GALNT13: variants seen among roughly 807,000 people sequenced by gnomAD.
GALNT13 encodes UDP-GalNAc:polypeptide N-acetylgalactosaminyltransferase 13.
A neutral mutation model predicts 64.2 loss-of-function variants in GALNT13; 28 were observed. That is an observed-to-expected ratio of 0.44 (90% confidence interval 0.32 to 0.60). The LOEUF is 0.60. Among genes scored for constraint, GALNT13 ranks in the 20% least tolerant of loss-of-function variants. The pLI is 0.05. For synonymous variants in GALNT13, 214 were observed against 224.6 expected (o/e 0.95, Z 0.42); for missense variants, 577 against 669.8 (o/e 0.86, Z 1.53).
intron 4 of GALNT13, among the ~76,000 whole-genome samples, chr2:154,220,051 T>C (rs1490948773): frequency 6.6e-6 from 1 of 152,064 alleles, no homozygotes; most frequent in Non-Finnish European, 1.5e-5. Flanking sequence ...TTAAGAAGAC[T>C]AATAAAAACT....
chr2:153,286,959 G>C, the GALNT13 span, among the ~76,000 whole-genome samples: 1 of 151,768 alleles, frequency 6.6e-6, no homozygotes, highest in Non-Finnish European at 1.5e-5. Context: ...TTCAGAATAC[G>C]AGCAAACATA....
At chr2:153,514,629 C>T in the GALNT13 span, among the ~76,000 whole-genome samples, 4 of 152,148 alleles carry the variant, frequency 2.6e-5, no homozygotes, top group East Asian at 1.9e-4. Context: ...CATCATTCCT[C>T]GCTCCAGAGG....
At chr2:153,662,019 G>T in the GALNT13 span, among the ~76,000 whole-genome samples, 1 of 151,916 alleles carries the variant, frequency 6.6e-6, no homozygotes, top group Non-Finnish European at 1.5e-5. Flanking sequence ...GATGTAGATC[G>T]TGCACTGCAC....
the GALNT13 span, among the ~76,000 whole-genome samples, chr2:153,336,541 A>G: frequency 1.3e-5 from 2 of 151,984 alleles, no homozygotes; most frequent in African/African-American, 2.4e-5. Context: ...GTTTTGGACA[A>G]TTTCTCCCAT....
At chr2:154,097,175 A>T (rs1314039457) in intron 3 of GALNT13, among the ~76,000 whole-genome samples, 1 of 152,046 alleles carries the variant, frequency 6.6e-6, no homozygotes, top group Non-Finnish European at 1.5e-5. Flanking sequence ...ATGAAGTGTT[A>T]TCGAGTGCTT....
At chr2:154,107,575 T>A (rs1702691260) in intron 3 of GALNT13, among the ~76,000 whole-genome samples, 1 of 135,132 alleles carries the variant, frequency 7.4e-6, no homozygotes, top group African/African-American at 2.8e-5. Flanking sequence ...GGCAACAGAG[T>A]GAGACTACAT....
chr2:153,631,712 T>C, the GALNT13 span, among the ~76,000 whole-genome samples: 1 of 152,188 alleles, frequency 6.6e-6, no homozygotes, highest in African/African-American at 2.4e-5. Flanking sequence ...TATTAGCCCT[T>C]TGTCAGATGA....
chr2:154,090,164 A>G (rs10181717), intron 3 of GALNT13, among the ~76,000 whole-genome samples: 7,607 of 152,152 alleles, frequency 0.05, 371 homozygotes, highest in African/African-American at 0.12. Flanking sequence ...CTGGGTGATA[A>G]CTTTAGTGTG....
the GALNT13 span, among the ~76,000 whole-genome samples, chr2:153,098,821 A>C: frequency 6.6e-6 from 1 of 152,290 alleles, no homozygotes; most frequent in African/African-American, 2.4e-5. Context: ...AATGTGTGTA[A>C]TTTTAGCTTG....
upstream of GALNT13, among the ~76,000 whole-genome samples, chr2:153,867,349 G>A (rs1007629464): frequency 1.2e-4 from 18 of 152,090 alleles, no homozygotes; most frequent in African/African-American, 4.1e-4. Context: ...GATGGGTGTA[G>A]TGATCGATAT....
At chr2:154,168,923 G>A (rs67156102) in intron 4 of GALNT13, among the ~76,000 whole-genome samples, 19,760 of 152,104 alleles carry the variant, frequency 0.13, 1,416 homozygotes, top group South Asian at 0.22. Context: ...CACGAAGCAT[G>A]GTGCCAGCAC....
At chr2:153,136,385 T>G in the GALNT13 span, among the ~76,000 whole-genome samples, 1 of 152,058 alleles carries the variant, frequency 6.6e-6, no homozygotes, top group Admixed American at 6.6e-5. Context: ...GCTTGGCCAA[T>G]GAAGATACTG....
the GALNT13 span, among the ~76,000 whole-genome samples, chr2:153,829,395 A>G: frequency 1.3e-5 from 2 of 152,220 alleles, no homozygotes; most frequent in South Asian, 4.1e-4. Flanking sequence ...AAGAAGGAGC[A>G]AGTCTCATCT....
At chr2:153,453,853 C>T in the GALNT13 span, among the ~76,000 whole-genome samples, 4 of 152,202 alleles carry the variant, frequency 2.6e-5, no homozygotes, top group East Asian at 1.9e-4. Context: ...ATAACAAAGA[C>T]GTAGAACCAG....
the GALNT13 span, among the ~76,000 whole-genome samples, chr2:153,626,510 T>G: frequency 3.3e-5 from 5 of 152,150 alleles, no homozygotes; most frequent in African/African-American, 1.2e-4. Flanking sequence ...AATTAAACAT[T>G]TCTTCTCTGA....
intron 2 of GALNT13, among the ~76,000 whole-genome samples, chr2:153,942,624 G>A (rs1691413827): frequency 6.6e-6 from 1 of 151,370 alleles, no homozygotes; most frequent in Non-Finnish European, 1.5e-5. Flanking sequence ...ATAATAACAT[G>A]TTACTTTTTT....
chr2:153,918,934 G>A (rs1448626190), intron 2 of GALNT13, among the ~76,000 whole-genome samples: 2 of 152,028 alleles, frequency 1.3e-5, no homozygotes, highest in Admixed American at 6.6e-5. Context: ...AACACACTGA[G>A]GCTTTCCTTG....
intron 3 of GALNT13, among the ~76,000 whole-genome samples, chr2:154,027,218 A>G (rs181631924): frequency 6.6e-6 from 1 of 152,064 alleles, no homozygotes; most frequent in East Asian, 1.9e-4. Flanking sequence ...CTCATTCCTC[A>G]CCTCTTCCTT....
chr2:154,245,602 T>G (rs1392138424), intron 6 of GALNT13, among the ~76,000 whole-genome samples: 3 of 152,116 alleles, frequency 2.0e-5, no homozygotes, highest in African/African-American at 7.2e-5. Flanking sequence ...ATAAACTTGT[T>G]TAGATTTCAA....
Sources: allele counts gnomAD v4.1 joint callset (sites outside exome capture counted in the v4.1 genomes callset), GRCh38; gene constraint gnomAD v4.1.1; transcripts MANE v1.5; gene names NCBI Gene and HGNC (gene_info 2026-07-23, HGNC 2026-07-21).